Variants in FAM107B observed in about 807,000 individuals in gnomAD.
FAM107B encodes the protein protein FAM107B.
FAM107B carries 21 observed loss-of-function variants against 31.5 expected under a neutral mutation model. The ratio of observed to expected loss-of-function variants is 0.67; its 90% CI spans 0.47 to 0.96. The LOEUF (loss-of-function observed/expected upper bound fraction) is 0.96, where lower values mean the gene tolerates loss of function less well. FAM107B is among the 40% of genes least tolerant of loss of function. The pLI is 0.00. For synonymous variants in FAM107B, 157 were observed against 141.5 expected, an observed-to-expected ratio of 1.11 and a Z score of -0.78; for missense variants, 452 against 377.1, an observed-to-expected ratio of 1.20 and a Z score of -1.64.
intron 1 of FAM107B, among the ~76,000 whole-genome samples, chr10:14,768,446 A>C (rs537785561): frequency 6.6e-4 from 100 of 152,352 alleles, no homozygotes; most frequent in South Asian, 1.4e-3. Context: ...TCACAGACAT[A>C]TATACCAATG....
At chr10:14,677,553 G>A (rs1164122203) in intron 1 of FAM107B, among the ~76,000 whole-genome samples, 3 of 152,190 alleles carry the variant, frequency 2.0e-5, no homozygotes, top group South Asian at 2.1e-4. Context: ...CCCGGGAGGC[G>A]GAGCTTGCAG....
chr10:14,741,443 C>T (rs1217111662), intron 1 of FAM107B, among the ~76,000 whole-genome samples: 6 of 152,054 alleles, frequency 3.9e-5, no homozygotes, highest in Non-Finnish European at 8.8e-5. Context: ...CTAAGGTCAC[C>T]GCACCAGCCT....
At chr10:14,698,470 A>T (rs1855319262) in intron 1 of FAM107B, among the ~76,000 whole-genome samples, 1 of 152,234 alleles carries the variant, frequency 6.6e-6, no homozygotes, top group Non-Finnish European at 1.5e-5. Flanking sequence ...ATCTTCTCCA[A>T]ATATTTACTG....
chr10:14,676,910 T>C (rs559460083), intron 1 of FAM107B, among the ~76,000 whole-genome samples: 35 of 152,340 alleles, frequency 2.3e-4, no homozygotes, highest in Admixed American at 1.9e-3. Flanking sequence ...GGGTGATTGC[T>C]GTAGGGAGCC....
chr10:14,756,105 G>T (rs769402599), intron 1 of FAM107B, among the ~76,000 whole-genome samples: 6 of 152,100 alleles, frequency 3.9e-5, no homozygotes, highest in Non-Finnish European at 5.9e-5. Flanking sequence ...CTTAATAAAT[G>T]TTTATTGAAC....
chr10:14,732,124 G>A (rs1856187976), intron 1 of FAM107B, among the ~76,000 whole-genome samples: 1 of 152,174 alleles, frequency 6.6e-6, no homozygotes, highest in South Asian at 2.1e-4. Flanking sequence ...TGGTGAAGTA[G>A]ATAATGACCT....
intron 2 of FAM107B, among the ~76,000 whole-genome samples, chr10:14,619,724 A>C (rs1326841549): frequency 6.6e-6 from 1 of 151,334 alleles, no homozygotes; most frequent in African/African-American, 2.4e-5. Context: ...AAAAAAAAAA[A>C]AAAAAAACCT....
At chr10:14,645,380 G>C (rs1379674060) in intron 2 of FAM107B, among the ~76,000 whole-genome samples, 1 of 152,204 alleles carries the variant, frequency 6.6e-6, no homozygotes, top group Non-Finnish European at 1.5e-5. Flanking sequence ...CCAAGGGCTT[G>C]TCACCTGTAT....
intron 1 of FAM107B, among the ~76,000 whole-genome samples, chr10:14,703,842 C>T (rs1349666344): frequency 1.3e-5 from 2 of 152,150 alleles, no homozygotes; most frequent in African/African-American, 4.8e-5. Context: ...CATTTATGAG[C>T]AGCTGATCAT....
intron 1 of FAM107B, among the ~76,000 whole-genome samples, chr10:14,763,559 A>G (rs11259320): frequency 0.13 from 20,343 of 152,200 alleles, 1,548 homozygotes; most frequent in African/African-American, 0.22. Flanking sequence ...TTCTGCCTAT[A>G]GAGACGCAAG....
chr10:14,652,435 A>T (rs541545585), intron 2 of FAM107B, among the ~76,000 whole-genome samples: 5 of 152,270 alleles, frequency 3.3e-5, no homozygotes, highest in South Asian at 4.1e-4. Context: ...TAACGAAAAT[A>T]TAGGGGTTTG....
At chr10:14,693,201 C>T (rs186612993) in intron 1 of FAM107B, among the ~76,000 whole-genome samples, 40 of 152,244 alleles carry the variant, frequency 2.6e-4, no homozygotes, top group South Asian at 2.1e-4. Context: ...TATGGCCGGG[C>T]GCGGTGGCTC....
intron 1 of FAM107B, 128 bp downstream of exon 1, chr10:14,774,125 A>G: frequency 1.7e-6 from 2 of 1,143,548 alleles, no homozygotes; most frequent in South Asian, 1.6e-5. Context: ...TCTTCGCACT[A>G]GTGAGAACGC....
At chr10:14,768,861 A>G (rs1203566500) in intron 1 of FAM107B, among the ~76,000 whole-genome samples, 1 of 152,220 alleles carries the variant, frequency 6.6e-6, no homozygotes, top group Non-Finnish European at 1.5e-5. Flanking sequence ...ATTCTGACTT[A>G]CGCATCAGGC....
chr10:14,737,800 C>CTCTCT (rs59200578), intron 1 of FAM107B, among the ~76,000 whole-genome samples: 35 of 149,024 alleles, frequency 2.3e-4, no homozygotes, highest in African/African-American at 4.3e-4. Flanking sequence ...CTCTCTCTCT[C>CTCTCT]CTTCGTTGGC....
intron 1 of FAM107B, among the ~76,000 whole-genome samples, chr10:14,688,845 C>T (rs550846767): frequency 1.3e-3 from 200 of 152,332 alleles, no homozygotes; most frequent in African/African-American, 3.8e-3. Context: ...CAAATCCATC[C>T]ATGCCCTTTG....
intron 2 of FAM107B, among the ~76,000 whole-genome samples, chr10:14,613,956 C>A (rs11259226): frequency 0.27 from 41,368 of 151,832 alleles, 6,241 homozygotes; most frequent in East Asian, 0.53. Flanking sequence ...CATGGTGAAA[C>A]CCTATCTCTA....
intron 2 of FAM107B, chr10:14,556,423 C>A: frequency 1.0e-6 from 1 of 985,456 alleles, no homozygotes; most frequent in Non-Finnish European, 1.2e-6. Context: ...AGGAAATACA[C>A]CAGTCAGCAC....
intron 1 of FAM107B, among the ~76,000 whole-genome samples, chr10:14,761,288 T>C (rs570575239): frequency 1.3e-5 from 2 of 152,308 alleles, no homozygotes; most frequent in Admixed American, 1.3e-4. Context: ...GAGTCGCTTG[T>C]TGTTAGGCAA....
Sources: gnomAD v4.1 joint callset for allele counts (sites outside exome capture counted in the v4.1 genomes callset) on GRCh38, gnomAD v4.1.1 for gene constraint, MANE v1.5 for transcripts, NCBI Gene and HGNC (gene_info 2026-07-23, HGNC 2026-07-21) for gene names.